The following FHIT variants were observed in gnomAD, a reference collection of about 807,000 sequenced individuals.
The protein encoded by FHIT is fragile histidine triad diadenosine triphosphatase.
A neutral mutation model predicts 17.9 loss-of-function variants in FHIT; 19 were observed. The observed-to-expected ratio is 1.06, with a 90% CI of 0.74 to 1.56. The LOEUF is 1.56. FHIT is among the 40% of genes most tolerant of loss of function. The pLI is 0.00. For synonymous variants in FHIT, 81 were observed against 69.7 expected (o/e 1.16, Z -0.81); for missense variants, 248 against 189.2 (o/e 1.31, Z -1.82).
chr3:60,403,605 T>C (rs1207494634), intron 5 of FHIT, among the ~76,000 whole-genome samples: 1 of 152,182 alleles, frequency 6.6e-6, no homozygotes, highest in Non-Finnish European at 1.5e-5. Context: ...TGCTTAATTA[T>C]AGGTCATTAG....
chr3:60,944,191 C>G (rs1024277849), intron 3 of FHIT, among the ~76,000 whole-genome samples: 5 of 152,144 alleles, frequency 3.3e-5, no homozygotes, highest in Non-Finnish European at 5.9e-5. Context: ...AAACTGAACC[C>G]AAAGGCACAG....
chr3:60,251,251 C>A (rs780746502), intron 5 of FHIT, among the ~76,000 whole-genome samples: 12 of 152,228 alleles, frequency 7.9e-5, no homozygotes, highest in Non-Finnish European at 1.5e-4. Context: ...ATCATATAGT[C>A]CCAAAAGAAG....
chr3:60,312,267 C>G (rs1708982307), intron 5 of FHIT, among the ~76,000 whole-genome samples: 4 of 152,046 alleles, frequency 2.6e-5, no homozygotes, highest in Admixed American at 6.6e-5. Flanking sequence ...TCCTGAGTAA[C>G]TAGAATTATA....
intron 5 of FHIT, among the ~76,000 whole-genome samples, chr3:60,076,746 A>T (rs764597152): frequency 1.3e-5 from 2 of 152,066 alleles, no homozygotes; most frequent in Non-Finnish European, 2.9e-5. Flanking sequence ...AATTTTGAAG[A>T]GAAAAAGGAA....
At chr3:59,819,898 C>T (rs1192611453) in intron 8 of FHIT, among the ~76,000 whole-genome samples, 1 of 152,184 alleles carries the variant, frequency 6.6e-6, no homozygotes, top group African/African-American at 2.4e-5. Flanking sequence ...GACACTGAAG[C>T]AAGCACTCTG....
At chr3:61,211,478 G>A (rs1433946387) in intron 1 of FHIT, among the ~76,000 whole-genome samples, 2 of 152,224 alleles carry the variant, frequency 1.3e-5, no homozygotes, top group East Asian at 3.9e-4. Context: ...GCCCAGGCTT[G>A]CTTAGGTAAA....
At chr3:60,521,268 G>T (rs1472107039) in intron 5 of FHIT, among the ~76,000 whole-genome samples, 1 of 151,716 alleles carries the variant, frequency 6.6e-6, no homozygotes, top group Non-Finnish European at 1.5e-5. Flanking sequence ...TATTTTTTGA[G>T]GCGGAGGCTT....
At chr3:60,394,955 A>G (rs1701376113) in intron 5 of FHIT, among the ~76,000 whole-genome samples, 1 of 152,232 alleles carries the variant, frequency 6.6e-6, no homozygotes, top group South Asian at 2.1e-4. Context: ...AATGTGGGGA[A>G]AAGAGCTATA....
At chr3:59,759,799 C>G (rs1311508423) in intron 8 of FHIT, among the ~76,000 whole-genome samples, 2 of 152,260 alleles carry the variant, frequency 1.3e-5, no homozygotes, top group South Asian at 4.2e-4. Context: ...GCTGGACTTT[C>G]TTGGTGGCCC....
At chr3:59,993,274 A>C (rs1699366386) in intron 7 of FHIT, among the ~76,000 whole-genome samples, 2 of 152,040 alleles carry the variant, frequency 1.3e-5, no homozygotes, top group South Asian at 4.1e-4. Flanking sequence ...GCAACCCCGG[A>C]AAGAGAGGTA....
intron 7 of FHIT, among the ~76,000 whole-genome samples, chr3:59,978,009 T>C (rs1708489525): frequency 6.6e-6 from 1 of 152,192 alleles, no homozygotes; most frequent in African/African-American, 2.4e-5. Context: ...AATAAATGCA[T>C]TTAGCAAGCA....
At chr3:60,025,955 T>C (rs896290762) in intron 5 of FHIT, among the ~76,000 whole-genome samples, 2 of 152,134 alleles carry the variant, frequency 1.3e-5, no homozygotes, top group African/African-American at 4.8e-5. Flanking sequence ...GCAAACTTTT[T>C]CAAGATAGTG....
At chr3:60,342,900 G>T (rs923296910) in intron 5 of FHIT, among the ~76,000 whole-genome samples, 15 of 152,102 alleles carry the variant, frequency 9.9e-5, no homozygotes, top group Non-Finnish European at 1.6e-4. Context: ...CAAGGAATTT[G>T]TCATCACTCT....
intron 4 of FHIT, chr3:60,617,004 G>C (rs1222999694): frequency 5.7e-6 from 1 of 175,380 alleles, no homozygotes; most frequent in South Asian, 1.4e-4. Flanking sequence ...ATGAGCTTTG[G>C]AGAATGAGGA....
At chr3:61,125,197 A>T (rs1199520285) in intron 2 of FHIT, among the ~76,000 whole-genome samples, 7 of 152,256 alleles carry the variant, frequency 4.6e-5, no homozygotes, top group Non-Finnish European at 1.0e-4. Context: ...GGATTATTTC[A>T]ACTGGCACTT....
chr3:60,433,320 G>A (rs2029902394), intron 5 of FHIT, among the ~76,000 whole-genome samples: 2 of 151,976 alleles, frequency 1.3e-5, no homozygotes. Context: ...ATATCCATCT[G>A]TGGAAGGACA....
chr3:59,894,944 G>C (rs997092476), intron 8 of FHIT, among the ~76,000 whole-genome samples: 15 of 152,226 alleles, frequency 9.9e-5, no homozygotes, highest in African/African-American at 3.4e-4. Context: ...CAGGTGATGA[G>C]AACAGACTTC....
chr3:60,070,986 C>G (rs1368442439), intron 5 of FHIT, among the ~76,000 whole-genome samples: 1 of 152,148 alleles, frequency 6.6e-6, no homozygotes, highest in Non-Finnish European at 1.5e-5. Context: ...GTTTTTCACT[C>G]TCTTTAGAAG....
At chr3:60,840,922 T>G (rs1702705915) in intron 3 of FHIT, among the ~76,000 whole-genome samples, 1 of 152,348 alleles carries the variant, frequency 6.6e-6, no homozygotes, top group Middle Eastern at 3.4e-3. Flanking sequence ...CAAATGCAAT[T>G]ATATGAGTTA....
Sources: allele counts gnomAD v4.1 joint callset (sites outside exome capture counted in the v4.1 genomes callset), GRCh38; gene constraint gnomAD v4.1.1; transcripts MANE v1.5; gene names NCBI Gene and HGNC (gene_info 2026-07-23, HGNC 2026-07-21).